Variants in MTURN observed in about 807,000 individuals in gnomAD.
MTURN encodes the protein maturin, neural progenitor differentiation regulator homolog.
MTURN carries 7 observed loss-of-function variants against 14.9 expected under a neutral mutation model. The observed-to-expected ratio is 0.47, with a 90% CI of 0.27 to 0.88. The LOEUF is 0.88. Among genes scored for constraint, MTURN ranks in the 40% least tolerant of loss-of-function variants. The pLI, the probability that MTURN is intolerant of heterozygous loss-of-function variation, is 0.14. For missense variants in MTURN, 151 were observed against 174.1 expected (o/e 0.87, Z 0.75); for synonymous variants, 69 against 72.5 (o/e 0.95, Z 0.25).
chr7:30,152,917 A>G (rs1322402035), intron 2 of MTURN, among the ~76,000 whole-genome samples: 1 of 152,162 alleles, frequency 6.6e-6, no homozygotes, highest in Non-Finnish European at 1.5e-5. Context: ...AGCAGTGCTT[A>G]TGTGATCACC....
At position 30,146,367 on chromosome 7, in the gene MTURN, C is replaced by CGGTGGGGAA; in HGVS notation, c.285+75_285+83dup. ...GTGATTGTGTTTAGAATAACAGGGGCGGTGGGGAAGGTGGGCAAAACCTGG... is the reference window on the plus strand; with the variant it reads ...GTGATTGTGTTTAGAATAACAGGGGCGGTGGGGAAGGTGGGGAAGGTGGGCAAAACCTGG... On this transcript the variant is annotated intron_variant, in intron 2 of 2. Transcript: ENST00000324453. 1.9e-6 allele frequency: 3 copies of CGGTGGGGAA among 1,594,338 alleles called. No individual in the cohort carries two copies. The South Asian group carries it at 3.3e-5, about 18-fold the overall frequency.
intron 1 of MTURN, among the ~76,000 whole-genome samples, chr7:30,140,276 T>G (rs899616807): frequency 6.6e-6 from 1 of 152,124 alleles, no homozygotes; most frequent in African/African-American, 2.4e-5. Flanking sequence ...ACTCTAAAAT[T>G]TTGTATAGTT....
intron 2 of MTURN, among the ~76,000 whole-genome samples, chr7:30,155,946 T>G (rs1797280784): frequency 6.6e-6 from 1 of 152,218 alleles, no homozygotes; most frequent in Admixed American, 6.5e-5. Flanking sequence ...ACTGTCTTGA[T>G]GCAGTTAGTG....
At chr7:30,139,907 G>C (rs1641899527) in intron 1 of MTURN, among the ~76,000 whole-genome samples, 1 of 152,184 alleles carries the variant, frequency 6.6e-6, no homozygotes, top group Non-Finnish European at 1.5e-5. Flanking sequence ...TGTGTGTGGA[G>C]GAAATTCAAG....
chr7:30,148,834 T>TTA (rs552033019), intron 2 of MTURN, among the ~76,000 whole-genome samples: 357 of 152,294 alleles, frequency 2.3e-3, no homozygotes, highest in African/African-American at 8.2e-3. Flanking sequence ...TGTCAGTGTT[T>TTA]TAAATGCCTG....
In MTURN at chr7:30,154,287, C is replaced by T. The variant is rs143076608; in HGVS notation, c.286-3151C>T. On this transcript the variant is annotated intron_variant, in intron 2 of 2. Transcript: ENST00000324453. ...GTGTATATAGGATTTTCACTCAACA[C>T]CCTCCCGCTAATGACCTCCACCTGG... Among the ~76,000 whole-genome samples, 318 of 152,272 alleles carry T rather than the reference C, an allele frequency of 2.1e-3. 1 individual carries two copies. Among genetic ancestry groups the T allele is most frequent in the African/African-American group, 7.1e-3 (295 of 41,544 alleles).
chr7:30,154,813 G>A (rs1797262207), intron 2 of MTURN, among the ~76,000 whole-genome samples: 1 of 152,188 alleles, frequency 6.6e-6, no homozygotes, highest in South Asian at 2.1e-4. Context: ...AGCAGCTCTT[G>A]AAAGAGCAGT....
intron 2 of MTURN, among the ~76,000 whole-genome samples, chr7:30,151,060 G>A (rs1011677933): frequency 6.6e-6 from 1 of 152,204 alleles, no homozygotes; most frequent in African/African-American, 2.4e-5. Context: ...TTTATTGGAT[G>A]GGTAAATGAC....
chr7:30,136,015 C>T (rs1796952042), intron 1 of MTURN, among the ~76,000 whole-genome samples: 1 of 4,128 alleles, frequency 2.4e-4, no homozygotes, highest in Non-Finnish European at 4.2e-4. Flanking sequence ...CACGCGCACA[C>T]TCACGCGCAC....
chr7:30,145,546 T>A (rs1015191306), intron 1 of MTURN, among the ~76,000 whole-genome samples: 14 of 152,156 alleles, frequency 9.2e-5, no homozygotes. Context: ...CCTCTTAGTA[T>A]GTGTTAGATT....
intron 2 of MTURN, among the ~76,000 whole-genome samples, chr7:30,154,109 G>A (rs1007136948): frequency 8.5e-5 from 13 of 152,166 alleles, no homozygotes; most frequent in African/African-American, 1.9e-4. Context: ...GGGTTTTACC[G>A]TACTGACATA....
intron 1 of MTURN, among the ~76,000 whole-genome samples, chr7:30,140,597 C>A (rs536165578): frequency 6.6e-6 from 1 of 152,200 alleles, no homozygotes; most frequent in African/African-American, 2.4e-5. Context: ...CCTCCTCTGT[C>A]AGATAGGGAC....
Position 30,135,212 on chromosome 7 carries a change from G to A in MTURN, c.76G>A (p.Glu26Lys), listed in dbSNP as rs769538049. 1.5e-5 allele frequency: 23 copies of A among 1,516,858 alleles called. No homozygotes were observed. The highest frequency in any genetic ancestry group is 2.1e-5 in the Admixed American group (1 of 47,536). 94.0% of individuals were successfully genotyped at this position (1,516,858 alleles called of 1,614,324 possible). A position where few individuals can be genotyped will look rare whatever the true frequency, so the allele number is the denominator to read the frequency against. Residue 26 changes from glutamate to lysine, a missense_variant, in exon 1 of 3, where the codon GAG becomes AAG. Coordinates refer to ENST00000324453, the MANE Select transcript of MTURN (RefSeq NM_152793.3). ...NTPFELIATEETERRMDFYAD... is the reference protein window; with the variant it reads ...NTPFELIATEKTERRMDFYAD... ...GCCCTTCGAGCTCATCGCCACCGAG[G>A]AGACCGAACGCAGGATGGATTTCTA...
At chr7:30,138,261 G>T (rs536895217) in intron 1 of MTURN, among the ~76,000 whole-genome samples, 1 of 152,140 alleles carries the variant, frequency 6.6e-6, no homozygotes, top group South Asian at 2.1e-4. Context: ...GATTAAAGGC[G>T]TGCACCCCAC....
At position 30,135,118 on chromosome 7, in the gene MTURN, A is replaced by G; in HGVS notation, c.-19A>G. ...GAGCGGGAGGGCGGGCGGCGGCGGGAGGCGGGCGCGGGGCCGCGATGGATT... is the reference window on the plus strand; with the variant it reads ...GAGCGGGAGGGCGGGCGGCGGCGGGGGGCGGGCGCGGGGCCGCGATGGATT... On this transcript the variant is annotated 5_prime_UTR_variant, in exon 1 of 3. Coordinates refer to ENST00000324453, the MANE Select transcript of MTURN (RefSeq NM_152793.3). 1.4e-6 allele frequency: 2 copies of G among 1,418,792 alleles called. No homozygotes were observed. Among genetic ancestry groups the G allele is most frequent in the Non-Finnish European group, 1.9e-6 (2 of 1,073,752 alleles). The allele number at this position is 1,418,792 out of a possible 1,614,324, so 87.9% of individuals were successfully genotyped here.
chr7:30,137,373 GA>G (rs1796980624), intron 1 of MTURN: 1 of 319,240 alleles, frequency 3.1e-6, no homozygotes, highest in Non-Finnish European at 6.2e-6. Context: ...AGTGGGCCAG[GA>G]AGACAAAAGG....
chr7:30,138,233 A>G (rs1796996109), intron 1 of MTURN, among the ~76,000 whole-genome samples: 1 of 152,030 alleles, frequency 6.6e-6, no homozygotes, highest in African/African-American at 2.4e-5. Context: ...CTTGTGCGTC[A>G]GCCTCTCCAG....
At chr7:30,154,024 C>T (rs1797249298) in intron 2 of MTURN, among the ~76,000 whole-genome samples, 1 of 152,028 alleles carries the variant, frequency 6.6e-6, no homozygotes, top group South Asian at 2.1e-4. Flanking sequence ...GGCCTAAACC[C>T]CCTTTAACCT....
chr7:30,148,293 G>A lies in MTURN; in HGVS notation c.285+1994G>A, dbSNP rs577128140. Among the ~76,000 whole-genome samples, 48 of 152,304 alleles carry A rather than the reference G, an allele frequency of 3.2e-4. No homozygotes were observed. In the East Asian group the frequency reaches 7.1e-3, roughly 23 times the overall value. On this transcript the variant is annotated intron_variant, in intron 2 of 2. Transcript: ENST00000324453. ...AGAGAGCAGCAGGTATGAAGGCCTC[G>A]GGGTTGGACAACACCTGTGTCCAGG...
Sources: gnomAD v4.1 joint callset for allele counts (sites outside exome capture counted in the v4.1 genomes callset) on GRCh38, gnomAD v4.1.1 for gene constraint, MANE v1.5 for transcripts, NCBI Gene and HGNC (gene_info 2026-07-23, HGNC 2026-07-21) for gene names.